The following GRM1 variants were observed in gnomAD, a reference collection of about 807,000 sequenced individuals.
GRM1 encodes the protein glutamate metabotropic receptor 1.
In GRM1, 33 loss-of-function variants were observed where a neutral mutation model predicts 90.9. The ratio of observed to expected loss-of-function variants is 0.36; its 90% confidence interval spans 0.28 to 0.49. GRM1 has a LOEUF of 0.49. GRM1 is among the 20% of genes least tolerant of loss of function. GRM1 has a pLI of 0.99. For synonymous variants in GRM1, 700 were observed against 613.2 expected (o/e 1.14, Z -2.09); for missense variants, 1,190 against 1,534.3 (o/e 0.78, Z 3.75).
At chr6:146,175,381 C>T (rs974568715) in intron 2 of GRM1, among the ~76,000 whole-genome samples, 1 of 152,104 alleles carries the variant, frequency 6.6e-6, no homozygotes, top group Non-Finnish European at 1.5e-5. Context: ...CTTGAGTTTT[C>T]GAGACTTATA....
intron 1 of GRM1, among the ~76,000 whole-genome samples, chr6:146,037,575 G>A (rs974757149): frequency 6.6e-6 from 1 of 151,862 alleles, no homozygotes; most frequent in Non-Finnish European, 1.5e-5. Flanking sequence ...CTTTGCTGCT[G>A]TCATTTAGCA....
chr6:146,133,784 G>A (rs1186388566), intron 1 of GRM1, among the ~76,000 whole-genome samples: 2 of 152,220 alleles, frequency 1.3e-5, no homozygotes, highest in Non-Finnish European at 2.9e-5. Flanking sequence ...CGCCTCAGCT[G>A]CCTGCTGCCT....
chr6:146,181,567 G>T (rs549542730), intron 2 of GRM1, among the ~76,000 whole-genome samples: 6 of 152,216 alleles, frequency 3.9e-5, no homozygotes, highest in African/African-American at 1.4e-4. Context: ...ATCTATAATT[G>T]TCACTTAATA....
At chr6:146,197,304 A>G (rs950766210) in intron 2 of GRM1, among the ~76,000 whole-genome samples, 1 of 152,220 alleles carries the variant, frequency 6.6e-6, no homozygotes, top group South Asian at 2.1e-4. Context: ...AAAACTTGAG[A>G]TTAGACAAAA....
intron 2 of GRM1, among the ~76,000 whole-genome samples, chr6:146,219,887 A>G (rs889449761): frequency 6.6e-6 from 1 of 151,564 alleles, no homozygotes; most frequent in African/African-American, 2.4e-5. Flanking sequence ...AATACCTCCA[A>G]TAAAATGAAT....
intron 2 of GRM1, among the ~76,000 whole-genome samples, chr6:146,179,936 G>C (rs2114540885): frequency 6.6e-6 from 1 of 152,126 alleles, no homozygotes. Flanking sequence ...GAGTCCAGGA[G>C]TTCAAGACCA....
rs181446908 is a variant in GRM1 at position 146,278,989 on chromosome 6, G to A, written c.951-25622G>A. Among the ~76,000 whole-genome samples, 289 of 152,234 alleles carry A rather than the reference G, an allele frequency of 1.9e-3. 3 individuals carry two copies. Among genetic ancestry groups the A allele is most frequent in the East Asian group, 9.7e-4 (5 of 5,156 alleles). On this transcript the variant is annotated intron_variant, in intron 2 of 7. Transcript: ENST00000282753. ...TAAAGTGTTGGAATTACAGGCGTGA[G>A]CGACCGCGTCCAGCTGAGAATGTTT...
At chr6:146,316,382 C>G (rs561774870) in intron 3 of GRM1, among the ~76,000 whole-genome samples, 1 of 152,326 alleles carries the variant, frequency 6.6e-6, no homozygotes, top group South Asian at 2.1e-4. Context: ...CAATTAGTCA[C>G]ATTCGCAAAG....
chr6:146,259,693 G>A (rs1489535238), intron 2 of GRM1, among the ~76,000 whole-genome samples: 1 of 151,754 alleles, frequency 6.6e-6, no homozygotes, highest in Admixed American at 6.6e-5. Context: ...TTCTTTCCTC[G>A]TTCATTCGTT....
At chr6:146,414,495 C>CCG (rs904418987) in intron 7 of GRM1, among the ~76,000 whole-genome samples, 3 of 151,872 alleles carry the variant, frequency 2.0e-5, no homozygotes, top group Admixed American at 6.6e-5. Flanking sequence ...GCTCCGCCTC[C>CCG]GGGTTCACGC....
chr6:146,100,325 ATC>A (rs1276643533), intron 1 of GRM1, among the ~76,000 whole-genome samples: 6 of 152,326 alleles, frequency 3.9e-5, no homozygotes, highest in African/African-American at 1.2e-4. Flanking sequence ...AGTTAAAATT[ATC>A]TCTTTTTCTT....
chr6:146,300,804 G>A (rs1783350376), intron 2 of GRM1, among the ~76,000 whole-genome samples: 1 of 152,172 alleles, frequency 6.6e-6, no homozygotes, highest in Admixed American at 6.5e-5. Context: ...GTCAAGCACA[G>A]TCTAGTTTAC....
At chr6:146,039,309 G>C (rs1399375337) in intron 1 of GRM1, among the ~76,000 whole-genome samples, 1 of 151,852 alleles carries the variant, frequency 6.6e-6, no homozygotes, top group Non-Finnish European at 1.5e-5. Context: ...CTATATCCGA[G>C]GAAACAAAGG....
chr6:146,112,279 T>G (rs1409413145), intron 1 of GRM1, among the ~76,000 whole-genome samples: 1 of 140,340 alleles, frequency 7.1e-6, no homozygotes, highest in African/African-American at 2.6e-5. Context: ...TATGATTATC[T>G]AAAAAAAAAA....
chr6:146,269,119 T>TA (rs1268925487), intron 2 of GRM1, among the ~76,000 whole-genome samples: 1 of 152,340 alleles, frequency 6.6e-6, no homozygotes, highest in South Asian at 2.1e-4. Context: ...GGCTTGTTTT[T>TA]ATCCGCCCTG....
chr6:146,140,089 T>TTTTCTTTCTTTC (rs1412796494), intron 1 of GRM1, among the ~76,000 whole-genome samples: 8 of 64,236 alleles, frequency 1.2e-4, no homozygotes, highest in East Asian at 5.5e-4. Context: ...TTTCTTTCTT[T>TTTTCTTTCTTTC]ATTCTTTCTT....
chr6:146,179,542 T>C (rs1778462577), intron 2 of GRM1, among the ~76,000 whole-genome samples: 1 of 152,168 alleles, frequency 6.6e-6, no homozygotes, highest in Admixed American at 6.5e-5. Context: ...GAGACGGAGT[T>C]TCGCTTTGTC....
At chr6:146,260,774 C>T (rs1447230259) in intron 2 of GRM1, among the ~76,000 whole-genome samples, 1 of 113,636 alleles carries the variant, frequency 8.8e-6, no homozygotes, top group Non-Finnish European at 1.9e-5. Context: ...GTCTTCAGTC[C>T]TTTGCCCATT....
chr6:146,163,002 C>A (rs1392361948), intron 2 of GRM1, among the ~76,000 whole-genome samples: 1 of 152,036 alleles, frequency 6.6e-6, no homozygotes, highest in African/African-American at 2.4e-5. Context: ...TATATTAAGA[C>A]AATATGACTA....
Sources: gnomAD v4.1 joint callset for allele counts (sites outside exome capture counted in the v4.1 genomes callset) on GRCh38, gnomAD v4.1.1 for gene constraint, MANE v1.5 for transcripts, NCBI Gene and HGNC (gene_info 2026-07-23, HGNC 2026-07-21) for gene names.